Variants in IL1A observed in about 807,000 individuals in gnomAD.
The protein encoded by IL1A is interleukin 1 alpha, also known as interleukin-1 alpha.
Under a neutral mutation model 22.2 loss-of-function variants are expected in IL1A, and 16 were observed. That is an observed-to-expected ratio of 0.72 (90% CI 0.49 to 1.09). The LOEUF (loss-of-function observed/expected upper bound fraction) is 1.09. IL1A is among the 50% of genes least tolerant of loss of function. The pLI is 0.00. For synonymous variants in IL1A, 113 were observed against 118.5 expected (o/e 0.95, Z 0.30); for missense variants, 317 against 321.8 (o/e 0.99, Z 0.11).
In IL1A at chr2:112,782,718, G is replaced by A. The variant is rs1681233992; in HGVS notation, c.94C>T (p.Gln32Ter). 11 of 1,602,412 alleles carry A rather than the reference G, an allele frequency of 6.9e-6. No individual in the cohort carries two copies. Among genetic ancestry groups the A allele is most frequent in the Non-Finnish European group, 9.4e-6 (11 of 1,169,396 alleles). ...GAGAATTACAGTCATTTGCTTACCT[G>A]ATTCAGAGACAGATGATCAATGGAG... ...SSSIDHLSLN[Q>*]KSFYHVSYGP... The change falls in exon 3 of 7, where the codon CAG becomes TAG. Residue 32 changes from glutamine (Q) to a stop codon, truncating the protein, a stop_gained and splice_region_variant. Transcript: ENST00000263339. LOFTEE classifies it high-confidence loss of function.
At chr2:112,779,971 A>G (rs1681168609) in intron 4 of IL1A, among the ~76,000 whole-genome samples, 1 of 152,124 alleles carries the variant, frequency 6.6e-6, no homozygotes, top group Admixed American at 6.6e-5. Context: ...GACAAGGAAG[A>G]CTACCAGTAT....
At position 112,779,673 on chromosome 2, in the gene IL1A, C is replaced by A. The variant is rs761519169; in HGVS notation, c.320-7G>T. 1 of 1,592,272 alleles carries A rather than the reference C, an allele frequency of 6.3e-7. No individual in the cohort carries two copies. On this transcript the variant is annotated splice_polypyrimidine_tract_variant and splice_region_variant and intron_variant, in intron 4 of 6. Transcript: ENST00000263339. ...GACCTAGGCTTGATGATTTCTAAAA[C>A]CATGATCACAAGTGCAGATTAATGT...
intron 3 of IL1A, among the ~76,000 whole-genome samples, chr2:112,782,411 C>T (rs1326745675): frequency 6.6e-6 from 1 of 152,232 alleles, no homozygotes; most frequent in African/African-American, 2.4e-5. Flanking sequence ...AGACAGACAC[C>T]TGGTGAAGCG....
chr2:112,778,747 AATAC>A (rs944319895), intron 5 of IL1A, among the ~76,000 whole-genome samples: 2 of 152,362 alleles, frequency 1.3e-5, no homozygotes, highest in African/African-American at 4.8e-5. Flanking sequence ...AAAAATGGCA[AATAC>A]ATACACGATG....
At chr2:112,781,217 G>A (rs1558770750) in intron 4 of IL1A, among the ~76,000 whole-genome samples, 2 of 151,954 alleles carry the variant, frequency 1.3e-5, no homozygotes, top group African/African-American at 4.8e-5. Context: ...CCAATGAGTG[G>A]GGGATTCTGA....
chr2:112,777,554 T>C (rs995717390), intron 6 of IL1A, among the ~76,000 whole-genome samples: 3 of 152,168 alleles, frequency 2.0e-5, no homozygotes, highest in African/African-American at 4.8e-5. Context: ...GCAGGCCCCA[T>C]TTTGGGACTT....
At chr2:112,782,111 G>A (rs777495375) in intron 3 of IL1A, among the ~76,000 whole-genome samples, 7 of 152,310 alleles carry the variant, frequency 4.6e-5, no homozygotes, top group East Asian at 1.9e-4. Context: ...GTGAGTGGTA[G>A]CTTTCCAATT....
rs780618739 is a variant in IL1A, at chr2:112,781,806, G to A, written c.117C>T (p.Ser39=). 1.7e-5 allele frequency: 27 copies of A among 1,613,476 alleles called. No homozygotes were observed. In the South Asian group the frequency reaches 2.9e-4, roughly 17 times the overall value. The part of the protein sequence containing the change: ...SLNQKSFYHV[S]YGPLHEGCMD... ...TGCAGCCTTCATGGAGTGGGCCATA[G>A]CTTACATGATAGAAGGATTTCTGTG... The change falls in exon 4 of 7, where the codon AGC becomes AGT. Residue 39 remains serine (S), a synonymous_variant. Coordinates refer to ENST00000263339, the MANE Select transcript of IL1A (RefSeq NM_000575.5).
chr2:112,783,995 T>C (rs1304467486), intron 1 of IL1A, among the ~76,000 whole-genome samples: 1 of 152,256 alleles, frequency 6.6e-6, no homozygotes, highest in Admixed American at 6.5e-5. Context: ...TTATTTATGT[T>C]GGTATTCCTT....
chr2:112,777,860 G>C (rs1681125609), intron 6 of IL1A, 127 bp downstream of exon 6: 5 of 880,458 alleles, frequency 5.7e-6, no homozygotes, highest in Non-Finnish European at 8.8e-6. Context: ...AGTGGGGTGG[G>C]CAGGTGGGGG....
At chr2:112,776,422 T>C (rs75461983) in intron 6 of IL1A, among the ~76,000 whole-genome samples, 3 of 151,286 alleles carry the variant, frequency 2.0e-5, no homozygotes, top group Non-Finnish European at 4.4e-5. Context: ...CAGACTCCTC[T>C]GAATGTCCCA....
In IL1A at chr2:112,783,896, T is replaced by C. The variant is rs1314240018; in HGVS notation, c.-8-118A>G. ...CTTTGTTGAATGACTTAGTCCACAT[T>C]CAGCATTTTCTCCATCTTCTAGCTC... On this transcript the variant is annotated intron_variant, in intron 1 of 6. Transcript: ENST00000263339. The C allele has an allele frequency of 5.9e-6, 5 of 842,744 alleles. No homozygotes were observed. The African/African-American group carries it at 8.4e-5, about 14-fold the overall frequency. The allele number at this position is 842,744 out of a possible 1,614,324, so 52.2% of individuals were successfully genotyped here.
chr2:112,781,022 AAAAAT>A (rs955215912), intron 4 of IL1A, among the ~76,000 whole-genome samples: 10 of 152,150 alleles, frequency 6.6e-5, no homozygotes, highest in African/African-American at 2.4e-4. Flanking sequence ...TCCATCTCAA[AAAAAT>A]AAAATAAAAT....
intron 3 of IL1A, 93 bp downstream of exon 3, chr2:112,782,623 G>C (rs2104910678): frequency 1.1e-6 from 1 of 923,352 alleles, no homozygotes; most frequent in South Asian, 1.4e-5. Context: ...TAAAACAAAA[G>C]TATTGAAGAT....
chr2:112,778,201 T>A, intron 5 of IL1A, 90 bp from the exon 6 acceptor site: 1 of 779,734 alleles, frequency 1.3e-6, no homozygotes, highest in Non-Finnish European at 2.0e-6. Context: ...ATGGTGTGTG[T>A]GTGTGTGTGT....
intron 4 of IL1A, 23 bp downstream of exon 4, chr2:112,781,581 T>A (rs1397734395): frequency 6.4e-7 from 1 of 1,565,080 alleles, no homozygotes. Context: ...AAAAGAAAGA[T>A]ATTATTGTGC....
chr2:112,779,561 T>C lies in IL1A; in HGVS notation c.425A>G (p.Gln142Arg). 1 of 1,611,646 alleles carries C rather than the reference T, an allele frequency of 6.2e-7. No homozygotes were observed. The highest frequency in any genetic ancestry group is 8.5e-7 in the Non-Finnish European group (1 of 1,178,166). The change falls in exon 5 of 7, where the codon CAA (glutamine) becomes CGA (arginine). Residue 142 changes from glutamine to arginine, a missense_variant. By Grantham distance (43) the Gln-to-Arg change is conservative. Transcript: ENST00000263339. ...YEFILNDALN[Q>R]SIIRANDQYL... ...CTGATCATTGGCTCGAATTATACTT[T>C]GATTGAGGGCGTCATTCAGGATGAA... is the stretch of plus-strand genomic sequence containing the variant.
Position 112,774,694 on chromosome 2 carries a change from C to A in IL1A, c.*373G>T. 6.1e-6 allele frequency: 1 copy of A among 163,334 alleles called. No homozygotes were observed. 10.1% of individuals were successfully genotyped at this position (163,334 alleles called of 1,614,324 possible). On this transcript the variant is annotated 3_prime_UTR_variant, in exon 7 of 7. Coordinates refer to ENST00000263339, the MANE Select transcript of IL1A (RefSeq NM_000575.5). ...ACAGTTGAAATGAAATCATGAAATC[C>A]TAGGTCTGTGGCTTCTTGTTTCAAC...
In IL1A at chr2:112,778,085, A is replaced by C. The variant is rs773846301; in HGVS notation, c.517T>G (p.Ser173Ala). 3.7e-6 allele frequency: 6 copies of C among 1,613,432 alleles called. No individual in the cohort carries two copies. Among genetic ancestry groups the C allele is most frequent in the Non-Finnish European group, 5.1e-6 (6 of 1,179,480 alleles). Reference protein sequence around the residue: ...AVKFDMGAYKSSKDDAKITVI... With the variant: ...AVKFDMGAYKASKDDAKITVI... The stretch of plus-strand genomic sequence containing the variant: ...GTAATTTTAGCATCATCCTTTGATG[A>C]CTTATAAGCACCCATGTCAAATTTC... The change falls in exon 6 of 7, where the codon TCA (serine) becomes GCA (alanine). Residue 173 changes from serine to alanine, a missense_variant. Transcript: ENST00000263339.
Sources: allele counts gnomAD v4.1 joint callset (sites outside exome capture counted in the v4.1 genomes callset), GRCh38; gene constraint gnomAD v4.1.1; transcripts MANE v1.5; gene names NCBI Gene and HGNC (gene_info 2026-07-23, HGNC 2026-07-21).